The following TMEM63A variants were observed in gnomAD, a reference collection of about 807,000 sequenced individuals.
TMEM63A encodes transmembrane protein 63A.
A neutral mutation model predicts 100.6 loss-of-function variants in TMEM63A; 76 were observed. That is an observed-to-expected ratio of 0.76 (90% CI 0.63 to 0.91). The LOEUF (loss-of-function observed/expected upper bound fraction) is 0.91. Ranked by LOEUF, TMEM63A falls within the 40% of genes least tolerant of loss-of-function variation. The probability of loss-of-function intolerance (pLI) is 0.00; values close to 1 mark genes in which losing one functional copy is unlikely to be tolerated. For missense variants in TMEM63A, 876 were observed against 1,008.8 expected (o/e 0.87, Z 1.78); for synonymous variants, 401 against 401.1 (o/e 1.00, Z 0.00).
chr1:225,859,115 C>T (rs1669803978), intron 15 of TMEM63A, 81 bp downstream of exon 15: 1 of 1,593,620 alleles, frequency 6.3e-7, no homozygotes. Flanking sequence ...ACACCCCACT[C>T]CTGTCCCCAC....
chr1:225,850,905 G>GT (rs1370487043), intron 20 of TMEM63A, among the ~76,000 whole-genome samples: 1 of 152,078 alleles, frequency 6.6e-6, no homozygotes, highest in African/African-American at 2.4e-5. Flanking sequence ...TAGAGATAGG[G>GT]TTTCACCATG....
At chr1:225,878,887 CACACACA>C (rs1474547921) in intron 2 of TMEM63A, among the ~76,000 whole-genome samples, 1 of 30,118 alleles carries the variant, frequency 3.3e-5, no homozygotes, top group African/African-American at 8.1e-5. Context: ...TACCTACCTA[CACACACA>C]CACACACACA....
Position 225,867,823 on chromosome 1 carries a change from G to A in TMEM63A, c.514+65C>T, listed in dbSNP as rs190279021. Reference sequence around the variant, plus strand: ...CTGGGGTTCTGGTCTACCACAGTGAGCCCTTTCCCTAGGACTGCCACTCTG... The same window carrying A: ...CTGGGGTTCTGGTCTACCACAGTGAACCCTTTCCCTAGGACTGCCACTCTG... On this transcript the variant is annotated intron_variant, in intron 7 of 24. Coordinates refer to ENST00000366835, the MANE Select transcript of TMEM63A (RefSeq NM_014698.3). This position sits in a 1 kb window ranked among gnomAD's most constrained non-coding sequence, Gnocchi z 4.6. 2.5e-6 allele frequency: 4 copies of A among 1,600,282 alleles called. No individual in the cohort carries two copies. In the Admixed American group the frequency reaches 6.7e-5, roughly 27 times the overall value.
At chr1:225,859,650 T>TG in intron 14 of TMEM63A, 1 of 160,270 alleles carries the variant, frequency 6.2e-6, no homozygotes, top group South Asian at 1.1e-4. Context: ...TCTTTTTCTG[T>TG]TTTTTTTTTT....
chr1:225,861,959 C>T, intron 13 of TMEM63A: 1 of 560,678 alleles, frequency 1.8e-6, no homozygotes, highest in Non-Finnish European at 3.2e-6. Context: ...GCAGTGGGGC[C>T]AGGCCACATC....
chr1:225,852,857 G>C (rs1280259627), intron 19 of TMEM63A, 88 bp from the exon 20 acceptor site: 2 of 1,200,472 alleles, frequency 1.7e-6, no homozygotes, highest in African/African-American at 3.0e-5. Flanking sequence ...GGAGAGCAGG[G>C]TGGAGGAGGA....
At chr1:225,874,259 T>C (rs776315535) in intron 4 of TMEM63A, 29 bp downstream of exon 4, 3 of 1,608,050 alleles carry the variant, frequency 1.9e-6, no homozygotes, top group Admixed American at 1.7e-5. Context: ...CGCACACGCA[T>C]GCTCACAGCC....
At position 225,847,230 on chromosome 1, in the gene TMEM63A, T is replaced by C; in HGVS notation, c.2251-17A>G. 1.2e-6 allele frequency: 2 copies of C among 1,610,762 alleles called. No homozygotes were observed. The highest frequency in any genetic ancestry group is 1.7e-5 in the Admixed American group (1 of 59,916). Reference sequence around the variant, plus strand: ...CACGTAGGGCTGTCAGCAAATGGATTTGTGCTTGGCCTGGACAGGCATGAG... The same window carrying C: ...CACGTAGGGCTGTCAGCAAATGGATCTGTGCTTGGCCTGGACAGGCATGAG... On this transcript the variant is annotated splice_polypyrimidine_tract_variant and intron_variant, in intron 23 of 24. Coordinates refer to ENST00000366835, the MANE Select transcript of TMEM63A (RefSeq NM_014698.3).
intron 18 of TMEM63A, among the ~76,000 whole-genome samples, chr1:225,854,759 T>C (rs979435720): frequency 6.6e-6 from 1 of 152,130 alleles, no homozygotes; most frequent in African/African-American, 2.4e-5. Context: ...TATCATGGCA[T>C]GGAAGCCGTG....
chr1:225,842,070 G>A (rs548165670), downstream of TMEM63A, among the ~76,000 whole-genome samples: 26 of 152,374 alleles, frequency 1.7e-4, no homozygotes, highest in African/African-American at 5.5e-4. Flanking sequence ...TTCTCATTGG[G>A]ACCCCACCAA....
chr1:225,872,686 CTTCTT>C (rs1292674859), intron 4 of TMEM63A, among the ~76,000 whole-genome samples: 5 of 112,628 alleles, frequency 4.4e-5, no homozygotes, highest in Non-Finnish European at 6.9e-5. Flanking sequence ...GACTGCTTTT[CTTCTT>C]TTTTTTTTTT....
intron 21 of TMEM63A, 64 bp downstream of exon 21, chr1:225,849,848 C>G: frequency 6.4e-7 from 1 of 1,573,556 alleles, no homozygotes; most frequent in Non-Finnish European, 8.7e-7. Flanking sequence ...AGGGATCTGA[C>G]TGGCTGGTGG....
downstream of TMEM63A, among the ~76,000 whole-genome samples, chr1:225,841,845 C>T (rs958871659): frequency 1.1e-4 from 17 of 152,216 alleles, no homozygotes; most frequent in African/African-American, 4.1e-4. Flanking sequence ...CGCAGGTGAT[C>T]CACCTTTCTC....
At position 225,866,537 on chromosome 1, in the gene TMEM63A, C is replaced by T. The variant is rs747076415; in HGVS notation, c.675+37G>A. 4 of 1,593,288 alleles carry T rather than the reference C, an allele frequency of 2.5e-6. No homozygotes were observed. In the South Asian group the frequency reaches 4.5e-5, roughly 18 times the overall value. ...TTCCACTCCGACTCCCACCTGAGTC[C>T]CTCCCAGCACATGTCCCTAAGTCCC... On this transcript the variant is annotated intron_variant, in intron 9 of 24. Coordinates refer to ENST00000366835, the MANE Select transcript of TMEM63A (RefSeq NM_014698.3).
intron 13 of TMEM63A, chr1:225,861,916 C>T (rs968949318): frequency 3.8e-5 from 16 of 422,712 alleles, no homozygotes; most frequent in African/African-American, 2.8e-4. Flanking sequence ...ATGAAGCCAA[C>T]AGGATGGGTC....
intron 2 of TMEM63A, among the ~76,000 whole-genome samples, chr1:225,878,289 T>G (rs1486883884): frequency 6.6e-6 from 1 of 152,118 alleles, no homozygotes; most frequent in South Asian, 2.1e-4. Context: ...AGATGCCACT[T>G]CTCTTTTTAC....
intron 6 of TMEM63A, among the ~76,000 whole-genome samples, chr1:225,869,038 A>G (rs1425874953): frequency 6.6e-6 from 1 of 152,242 alleles, no homozygotes; most frequent in African/African-American, 2.4e-5. Flanking sequence ...TGCTTTGGGA[A>G]GAGCTCAGGG....
intron 1 of TMEM63A, among the ~76,000 whole-genome samples, chr1:225,881,776 C>T (rs1205724478): frequency 2.0e-5 from 3 of 152,188 alleles, no homozygotes; most frequent in Non-Finnish European, 4.4e-5. Flanking sequence ...TAGCAGAGCT[C>T]GCCTCACCCT....
At position 225,862,294 on chromosome 1, in the gene TMEM63A, CTG is replaced by C. The variant is rs1281471860; in HGVS notation, c.1007_1008del (p.Thr336ArgfsTer44). On this transcript the variant is annotated frameshift_variant, in exon 13 of 25. Coordinates refer to ENST00000366835, the MANE Select transcript of TMEM63A (RefSeq NM_014698.3). LOFTEE classifies it high-confidence loss of function. This position sits in a 1 kb window ranked among gnomAD's most constrained non-coding sequence, Gnocchi z 5.1. ...TGGTCCTGGACGTGGCGTTCTTCCTCTGTGATCCTCTCCAGCAGCCTGTCCTT... is the reference window on the plus strand; with the variant it reads ...TGGTCCTGGACGTGGCGTTCTTCCTCTGATCCTCTCCAGCAGCCTGTCCTT... ...RMKDRLLERI[T>X]EEERHVQDQP... is the part of the protein sequence containing the mutation. 2 of 1,614,102 alleles carry C rather than the reference CTG, an allele frequency of 1.2e-6. No homozygotes were observed. The highest frequency in any genetic ancestry group is 1.3e-5 in the African/African-American group (1 of 74,926).
Sources: allele counts gnomAD v4.1 joint callset (sites outside exome capture counted in the v4.1 genomes callset), GRCh38; gene constraint gnomAD v4.1.1; non-coding constraint Gnocchi (gnomAD v3.1); transcripts MANE v1.5; gene names NCBI Gene and HGNC (gene_info 2026-07-23, HGNC 2026-07-21).